Variants in NCAM2 observed in about 807,000 individuals in gnomAD.
The protein encoded by NCAM2 is neural cell adhesion molecule 2, also known as N-CAM-2.
NCAM2 carries 30 observed loss-of-function variants against 98.1 expected under a neutral mutation model. The ratio of observed to expected loss-of-function variants is 0.31; its 90% CI spans 0.23 to 0.41. The LOEUF is 0.41. Among genes scored for constraint, NCAM2 ranks in the 10% least tolerant of loss-of-function variants. The pLI is 1.00. For synonymous variants in NCAM2, 368 were observed against 342.4 expected, an observed-to-expected ratio of 1.07 and a Z score of -0.83; for missense variants, 867 against 1,005.8, an observed-to-expected ratio of 0.86 and a Z score of 1.87.
At chr21:21,104,708 C>A (rs1426245863) in intron 1 of NCAM2, among the ~76,000 whole-genome samples, 1 of 152,158 alleles carries the variant, frequency 6.6e-6, no homozygotes, top group Admixed American at 6.6e-5. Context: ...GGTGTGGTAA[C>A]AAGCTACTAA....
At chr21:21,452,801 A>G (rs1351163062) in intron 12 of NCAM2, among the ~76,000 whole-genome samples, 2 of 92,428 alleles carry the variant, frequency 2.2e-5, no homozygotes, top group East Asian at 3.2e-4. Context: ...TATAAAATAT[A>G]GTATTACTTT....
At chr21:21,355,502 G>A (rs1244742670) in intron 8 of NCAM2, among the ~76,000 whole-genome samples, 1 of 86,444 alleles carries the variant, frequency 1.2e-5, no homozygotes. Context: ...AGAAAGAAAA[G>A]AAATAAGGGA....
intron 15 of NCAM2, among the ~76,000 whole-genome samples, chr21:21,479,328 A>G (rs1412178107): frequency 6.6e-6 from 1 of 151,992 alleles, no homozygotes; most frequent in Non-Finnish European, 1.5e-5. Context: ...TCACACCTGT[A>G]ATCCCAGCAC....
chr21:21,439,778 A>G (rs112435931), intron 12 of NCAM2, among the ~76,000 whole-genome samples: 5,243 of 152,314 alleles, frequency 0.034, 298 homozygotes, highest in African/African-American at 0.12. Context: ...ATGTGTTGAA[A>G]TGTTTTTATA....
rs528472325 is a variant in NCAM2 at position 21,277,727 on chromosome 21, A to G, written c.56-2851A>G. On this transcript the variant is annotated intron_variant, in intron 1 of 17. Coordinates refer to ENST00000400546, the MANE Select transcript of NCAM2 (RefSeq NM_004540.5). The stretch of plus-strand genomic sequence containing the variant: ...AAATCAATTTTGAAGATCTTTGAGC[A>G]GAAGAGTGAAATTAAACATAGTTTT... Among the ~76,000 whole-genome samples, 9 of 152,308 alleles carry G rather than the reference A, an allele frequency of 5.9e-5. No homozygotes were observed. In the South Asian group the frequency reaches 1.9e-3, roughly 32 times the overall value.
At chr21:21,479,919 T>C (rs1985678213) in intron 15 of NCAM2, among the ~76,000 whole-genome samples, 6 of 152,094 alleles carry the variant, frequency 3.9e-5, no homozygotes, top group Admixed American at 3.9e-4. Flanking sequence ...AGATCTATCA[T>C]TTATTAATTT....
chr21:21,060,564 T>C (rs1173841582), intron 1 of NCAM2, among the ~76,000 whole-genome samples: 1 of 152,152 alleles, frequency 6.6e-6, no homozygotes, highest in African/African-American at 2.4e-5. Flanking sequence ...ACATTAATAA[T>C]ACTTAATGCT....
At chr21:21,521,612 T>G (rs541869315) in intron 16 of NCAM2, among the ~76,000 whole-genome samples, 4 of 152,158 alleles carry the variant, frequency 2.6e-5, no homozygotes, top group Non-Finnish European at 2.9e-5. Context: ...GGAATGTCTT[T>G]GATAGGCTTA....
chr21:21,161,466 C>T (rs2067780721), intron 1 of NCAM2, among the ~76,000 whole-genome samples: 1 of 151,458 alleles, frequency 6.6e-6, no homozygotes, highest in African/African-American at 2.4e-5. Flanking sequence ...ATTGCCAAAA[C>T]GATTATTTCA....
At chr21:21,103,820 T>A (rs73332336) in intron 1 of NCAM2, among the ~76,000 whole-genome samples, 3 of 152,108 alleles carry the variant, frequency 2.0e-5, no homozygotes, top group African/African-American at 7.2e-5. Context: ...GTTAGTCATT[T>A]TGTTTTTGTG....
intron 1 of NCAM2, among the ~76,000 whole-genome samples, chr21:21,217,610 G>A (rs2069958760): frequency 6.6e-6 from 1 of 152,126 alleles, no homozygotes; most frequent in African/African-American, 2.4e-5. Flanking sequence ...GTACTGCTAG[G>A]AAGGGACTTT....
intron 1 of NCAM2, among the ~76,000 whole-genome samples, chr21:21,277,523 A>G (rs2072773906): frequency 6.6e-6 from 1 of 152,104 alleles, no homozygotes; most frequent in Non-Finnish European, 1.5e-5. Context: ...GGAGATTAGA[A>G]CAGACAAAAC....
At chr21:21,102,511 A>G (rs970950366) in intron 1 of NCAM2, among the ~76,000 whole-genome samples, 3 of 151,990 alleles carry the variant, frequency 2.0e-5, no homozygotes, top group African/African-American at 7.2e-5. Context: ...ATTTTTTGGC[A>G]CTTAACTAAT....
At chr21:21,537,235 C>A (rs1308729161) in intron 17 of NCAM2, among the ~76,000 whole-genome samples, 2 of 151,936 alleles carry the variant, frequency 1.3e-5, no homozygotes, top group Non-Finnish European at 2.9e-5. Flanking sequence ...TTAGTAGATA[C>A]CTGGTTTCAC....
chr21:21,420,773 T>G (rs1194630456), intron 11 of NCAM2, among the ~76,000 whole-genome samples: 2 of 151,698 alleles, frequency 1.3e-5, no homozygotes, highest in Non-Finnish European at 2.9e-5. Flanking sequence ...ATGGAAGGAA[T>G]TGATGGAAGA....
intron 1 of NCAM2, among the ~76,000 whole-genome samples, chr21:21,220,678 T>C (rs1044150114): frequency 3.0e-4 from 46 of 152,186 alleles, no homozygotes; most frequent in African/African-American, 1.1e-3. Flanking sequence ...CCAGTAATTC[T>C]TCAAAATCAT....
chr21:21,343,777 C>T (rs1377830050), intron 8 of NCAM2, among the ~76,000 whole-genome samples: 1 of 152,114 alleles, frequency 6.6e-6, no homozygotes, highest in African/African-American at 2.4e-5. Flanking sequence ...CTGTGTCTCC[C>T]AGTAAACTTG....
intron 5 of NCAM2, among the ~76,000 whole-genome samples, chr21:21,320,531 TGTTAGATCATATTACA>T (rs138230011): frequency 0.3 from 46,009 of 151,654 alleles, 7,428 homozygotes; most frequent in African/African-American, 0.41. Context: ...AATTGAGAGC[TGTTAGATCATATTACA>T]GCATTTGCAG....
At chr21:21,057,062 A>C (rs991716681) in intron 1 of NCAM2, among the ~76,000 whole-genome samples, 3 of 152,038 alleles carry the variant, frequency 2.0e-5, no homozygotes, top group Non-Finnish European at 2.9e-5. Flanking sequence ...CTTTCCCCCC[A>C]AAATATAAAG....
Sources: gnomAD v4.1 joint callset for allele counts (sites outside exome capture counted in the v4.1 genomes callset) on GRCh38, gnomAD v4.1.1 for gene constraint, MANE v1.5 for transcripts, NCBI Gene and HGNC (gene_info 2026-07-23, HGNC 2026-07-21) for gene names.